The following LRP1B variants were observed in gnomAD, a reference collection of about 807,000 sequenced individuals.
LRP1B encodes LDL receptor related protein 1B, also known as low-density lipoprotein receptor-related protein 1B.
In LRP1B, 217 loss-of-function variants were observed where a neutral mutation model predicts 556.6. That is an observed-to-expected ratio of 0.39 (90% CI 0.35 to 0.44). LRP1B has a LOEUF of 0.44. Among genes scored for constraint, LRP1B ranks in the 20% least tolerant of loss-of-function variants. The pLI, the probability that LRP1B is intolerant of heterozygous loss-of-function variation, is 1.00. For synonymous variants in LRP1B, 2,047 were observed against 1,865.8 expected, an observed-to-expected ratio of 1.10 and a Z score of -2.50; for missense variants, 5,053 against 5,620.8, an observed-to-expected ratio of 0.90 and a Z score of 3.23.
At position 141,467,839 on chromosome 2, in the gene LRP1B, C is replaced by CGGG. The variant is rs1193797469; in HGVS notation, c.343+12554_343+12556dup. On this transcript the variant is annotated intron_variant, in intron 3 of 90. Transcript: ENST00000389484. ...TTTGTTTGTTTGTTTGTTTGCGGAC[C>CGGG]GGGGGGGGGGGAATTCCAGCATACA... is the stretch of plus-strand genomic sequence containing the variant. 0.015 allele frequency among the ~76,000 whole-genome samples: 880 copies of CGGG among 56,984 alleles called. 48 individuals carry two copies. In the East Asian group the frequency reaches 0.22, roughly 14 times the overall value. The allele number at this position is 56,984 out of a possible 152,430, so 37.4% of individuals were successfully genotyped here.
intron 2 of LRP1B, among the ~76,000 whole-genome samples, chr2:141,529,694 C>G (rs1001555068): frequency 3.3e-5 from 5 of 152,094 alleles, no homozygotes; most frequent in Non-Finnish European, 4.4e-5. Context: ...AAAAATACCA[C>G]TATTAATCAT....
At position 140,556,303 on chromosome 2, in the gene LRP1B, T is replaced by C. The variant is rs79211560; in HGVS notation, c.7195-14332A>G. On this transcript the variant is annotated intron_variant, in intron 43 of 90. Coordinates refer to ENST00000389484, the MANE Select transcript of LRP1B (RefSeq NM_018557.3). ...GGAAAGGACACCCTAATCTGCCCTA[T>C]ACTTGGAGGAAAGGCCCCCCCACAA... 5.7e-3 allele frequency among the ~76,000 whole-genome samples: 874 copies of C among 152,028 alleles called. 8 individuals carry two copies. The highest frequency in any genetic ancestry group is 0.02 in the African/African-American group (829 of 41,474).
chr2:141,308,052 A>G (rs1345757673), intron 3 of LRP1B, among the ~76,000 whole-genome samples: 1 of 152,182 alleles, frequency 6.6e-6, no homozygotes, highest in African/African-American at 2.4e-5. Context: ...TGGTCTTCAG[A>G]AGAAGTGCTT....
chr2:141,106,095 G>T (rs913473372), intron 7 of LRP1B, among the ~76,000 whole-genome samples: 3 of 152,118 alleles, frequency 2.0e-5, no homozygotes, highest in African/African-American at 4.8e-5. Flanking sequence ...TAAAACTCAT[G>T]ATTTGGTACT....
intron 6 of LRP1B, among the ~76,000 whole-genome samples, chr2:141,198,293 T>C (rs1457661183): frequency 6.6e-6 from 1 of 152,112 alleles, no homozygotes; most frequent in Non-Finnish European, 1.5e-5. Context: ...GTAATTAAAA[T>C]GGTATTATGG....
At position 141,601,616 on chromosome 2, in the gene LRP1B, TTCCTTCCTTC is replaced by T. The variant is rs1413097629; in HGVS notation, c.206-121093_206-121084del. Among the ~76,000 whole-genome samples the T allele has an allele frequency of 6.2e-4, 93 of 150,888 alleles. 1 individual carries two copies. The highest frequency in any genetic ancestry group is 1.3e-3 in the Non-Finnish European group (86 of 67,732). On this transcript the variant is annotated intron_variant, in intron 2 of 90. Coordinates refer to ENST00000389484, the MANE Select transcript of LRP1B (RefSeq NM_018557.3). ...AGCACTCCTTTCCTTCCTTCCTTCCTTCCTTCCTTCCTTCCTTCCTTCCTTCCTTTTTTTT... is the reference window on the plus strand; with the variant it reads ...AGCACTCCTTTCCTTCCTTCCTTCCTCTTCCTTCCTTCCTTCCTTTTTTTT...
At chr2:142,119,518 A>G (rs1261014786) in intron 1 of LRP1B, among the ~76,000 whole-genome samples, 1 of 152,132 alleles carries the variant, frequency 6.6e-6, no homozygotes, top group African/African-American at 2.4e-5. Flanking sequence ...CTCACAGTGG[A>G]GAATGGGAGA....
intron 2 of LRP1B, among the ~76,000 whole-genome samples, chr2:141,728,054 T>C (rs765126518): frequency 6.6e-6 from 1 of 152,112 alleles, no homozygotes; most frequent in African/African-American, 2.4e-5. Flanking sequence ...AAGCCCGTAT[T>C]TCAGAGAGTA....
At chr2:141,561,784 C>CA (rs1686162376) in intron 2 of LRP1B, among the ~76,000 whole-genome samples, 1 of 151,684 alleles carries the variant, frequency 6.6e-6, no homozygotes, top group Non-Finnish European at 1.5e-5. Context: ...AATATAAAGA[C>CA]AAAATGTGTT....
At chr2:141,011,840 C>A (rs939621461) in intron 14 of LRP1B, among the ~76,000 whole-genome samples, 1 of 151,998 alleles carries the variant, frequency 6.6e-6, no homozygotes, top group Non-Finnish European at 1.5e-5. Flanking sequence ...TATTCTCTAT[C>A]AGAGTTATGT....
chr2:142,074,945 G>C (rs1705445678), intron 1 of LRP1B, among the ~76,000 whole-genome samples: 1 of 151,932 alleles, frequency 6.6e-6, no homozygotes, highest in South Asian at 2.1e-4. Context: ...CACAATTCTT[G>C]TCTTGTCGGT....
intron 62 of LRP1B, among the ~76,000 whole-genome samples, chr2:140,454,986 T>A (rs933784798): frequency 1.3e-5 from 2 of 152,196 alleles, no homozygotes; most frequent in Admixed American, 6.6e-5. Flanking sequence ...CAGACTGATA[T>A]ATGTATGATC....
chr2:141,808,461 G>A (rs148432316), intron 2 of LRP1B, among the ~76,000 whole-genome samples: 10 of 151,980 alleles, frequency 6.6e-5, no homozygotes, highest in Admixed American at 1.3e-4. Flanking sequence ...GTTGAAATAC[G>A]GTCTCACTAC....
At chr2:141,902,547 C>T (rs1558950285) in intron 1 of LRP1B, among the ~76,000 whole-genome samples, 1 of 151,928 alleles carries the variant, frequency 6.6e-6, no homozygotes, top group African/African-American at 2.4e-5. Context: ...ATAGAAGAAA[C>T]CCACATTCTT....
At chr2:140,692,494 G>T (rs1686280406) in intron 41 of LRP1B, among the ~76,000 whole-genome samples, 2 of 152,054 alleles carry the variant, frequency 1.3e-5, no homozygotes, top group Middle Eastern at 3.4e-3. Context: ...GTGAAAGTCT[G>T]GTTTTTTCTC....
intron 2 of LRP1B, among the ~76,000 whole-genome samples, chr2:141,531,819 T>C (rs1016585843): frequency 2.6e-5 from 4 of 151,246 alleles, no homozygotes; most frequent in Non-Finnish European, 5.9e-5. Context: ...AATATACAGA[T>C]GTCAAAATTT....
At chr2:141,037,566 T>C (rs1008380553) in intron 11 of LRP1B, among the ~76,000 whole-genome samples, 2 of 152,002 alleles carry the variant, frequency 1.3e-5, no homozygotes, top group African/African-American at 2.4e-5. Context: ...GTAGGCAGGA[T>C]AGTGTTGGCT....
chr2:140,294,939 T>G (rs1683538751), intron 84 of LRP1B, among the ~76,000 whole-genome samples: 1 of 152,086 alleles, frequency 6.6e-6, no homozygotes, highest in Non-Finnish European at 1.5e-5. Context: ...TGCAGTGGCG[T>G]GATCTCGGCT....
At chr2:142,005,257 A>C (rs1023396683) in intron 1 of LRP1B, among the ~76,000 whole-genome samples, 1 of 151,964 alleles carries the variant, frequency 6.6e-6, no homozygotes, top group African/African-American at 2.4e-5. Context: ...ACATTCAATA[A>C]GGATTAACAC....
Sources: allele counts gnomAD v4.1 joint callset (sites outside exome capture counted in the v4.1 genomes callset), GRCh38; gene constraint gnomAD v4.1.1; transcripts MANE v1.5; gene names NCBI Gene and HGNC (gene_info 2026-07-23, HGNC 2026-07-21).